The following ITGB6 variants were observed in gnomAD, a reference collection of about 807,000 sequenced individuals.
The protein encoded by ITGB6 is integrin subunit beta 6.
Under a neutral mutation model 84.5 loss-of-function variants are expected in ITGB6, and 80 were observed. The ratio of observed to expected loss-of-function variants is 0.95; its 90% CI spans 0.79 to 1.14. ITGB6 has a LOEUF of 1.14. Among genes scored for constraint, ITGB6 ranks in the 50% most tolerant of loss-of-function variants. ITGB6 has a pLI of 0.00. For missense variants in ITGB6, 1,006 were observed against 968.0 expected, an observed-to-expected ratio of 1.04 and a Z score of -0.52; for synonymous variants, 383 against 354.9, an observed-to-expected ratio of 1.08 and a Z score of -0.89.
At chr2:160,192,349 A>G (rs535589679) in intron 4 of ITGB6, among the ~76,000 whole-genome samples, 59 of 152,302 alleles carry the variant, frequency 3.9e-4, no homozygotes, top group African/African-American at 1.4e-3. Flanking sequence ...CAACAAAGAC[A>G]TTAAGATAAC....
At chr2:160,151,952 TTA>T (rs1684440659) in intron 7 of ITGB6, among the ~76,000 whole-genome samples, 1 of 152,116 alleles carries the variant, frequency 6.6e-6, no homozygotes, top group Non-Finnish European at 1.5e-5. Context: ...GAGGCAATAA[TTA>T]ATAGCATATC....
chr2:160,147,856 A>G (rs575943328), intron 7 of ITGB6, among the ~76,000 whole-genome samples: 6 of 152,338 alleles, frequency 3.9e-5, no homozygotes, highest in African/African-American at 1.4e-4. Context: ...AAAATGCAAA[A>G]CCATAAAACT....
chr2:160,117,001 CA>C (rs1183176454), intron 12 of ITGB6, among the ~76,000 whole-genome samples: 3 of 151,336 alleles, frequency 2.0e-5, no homozygotes, highest in Non-Finnish European at 2.9e-5. Context: ...CAGGAGCACC[CA>C]GATTCATAAA....
rs1237675095 is a variant in ITGB6 at position 160,200,076 on chromosome 2, T to C, written c.-13A>G. 1.2e-6 allele frequency: 2 copies of C among 1,612,804 alleles called. No individual in the cohort carries two copies. Among genetic ancestry groups the C allele is most frequent in the Non-Finnish European group, 1.7e-6 (2 of 1,179,016 alleles). ...GTTCAATCCCCATTCGTTTCAGTTC[T>C]TGCTGTGCAGACCGATTAAAAAATG... is the stretch of plus-strand genomic sequence containing the variant. On this transcript the variant is annotated 5_prime_UTR_variant, in exon 1 of 15. Transcript: ENST00000283249.
At chr2:160,139,507 G>T (rs971583466) in intron 8 of ITGB6, among the ~76,000 whole-genome samples, 21 of 152,098 alleles carry the variant, frequency 1.4e-4, no homozygotes, top group African/African-American at 4.6e-4. Context: ...TAAAATAGAA[G>T]CAATGTTGGA....
chr2:160,102,238 G>A (rs1327344113), intron 14 of ITGB6, among the ~76,000 whole-genome samples: 2 of 152,116 alleles, frequency 1.3e-5, no homozygotes, highest in Non-Finnish European at 2.9e-5. Flanking sequence ...GTAAAAAACA[G>A]GAAAAGTGAA....
chr2:160,101,472 G>T lies in ITGB6; in HGVS notation c.*264C>A. 1 of 365,562 alleles carries T rather than the reference G, an allele frequency of 2.7e-6. No homozygotes were observed. Among genetic ancestry groups the T allele is most frequent in the Non-Finnish European group, 4.9e-6 (1 of 202,538 alleles). 22.6% of individuals were successfully genotyped at this position (365,562 alleles called of 1,614,324 possible). A position where few individuals can be genotyped will look rare whatever the true frequency, so the allele number is the denominator to read the frequency against. On this transcript the variant is annotated 3_prime_UTR_variant, in exon 15 of 15. Transcript: ENST00000283249. ...CAAATCAGGCCCCCATGAATCATTT[G>T]ATGATTTTTTGAAGCATTAATGCAA...
chr2:160,188,588 T>G (rs188482363), intron 4 of ITGB6, among the ~76,000 whole-genome samples: 1 of 151,854 alleles, frequency 6.6e-6, no homozygotes, highest in Admixed American at 6.6e-5. Flanking sequence ...ATGCTTTTAA[T>G]CGTTAACTCA....
At chr2:160,143,534 T>C (rs1684081058) in intron 7 of ITGB6, among the ~76,000 whole-genome samples, 1 of 152,186 alleles carries the variant, frequency 6.6e-6, no homozygotes. Flanking sequence ...TATACTGTAC[T>C]ATGTCAACAA....
At position 160,139,182 on chromosome 2, in the gene ITGB6, A is replaced by G. The variant is rs114449782; in HGVS notation, c.1108-983T>C. Reference sequence around the variant, plus strand: ...CTGTATTGTAGGTGAACCAAACCAAATTATGAAAAATAGAAAAACAGAATA... The same window carrying G: ...CTGTATTGTAGGTGAACCAAACCAAGTTATGAAAAATAGAAAAACAGAATA... On this transcript the variant is annotated intron_variant, in intron 8 of 14. Transcript: ENST00000283249. Among the ~76,000 whole-genome samples, 932 of 152,318 alleles carry G rather than the reference A, an allele frequency of 6.1e-3. 3 individuals are homozygous for G. Among genetic ancestry groups the G allele is most frequent in the African/African-American group, 0.021 (880 of 41,574 alleles).
chr2:160,126,999 G>T (rs1683270326), intron 10 of ITGB6, among the ~76,000 whole-genome samples: 2 of 152,090 alleles, frequency 1.3e-5, no homozygotes. Flanking sequence ...TCTCCCTTTG[G>T]AATTCAGGCA....
chr2:160,186,020 A>G (rs537312800), intron 4 of ITGB6, among the ~76,000 whole-genome samples: 3 of 152,230 alleles, frequency 2.0e-5, no homozygotes, highest in Non-Finnish European at 4.4e-5. Flanking sequence ...TAAAAACCCT[A>G]GAAGAAAATC....
In ITGB6 at chr2:160,179,822, G is replaced by T. The variant is rs185863726; in HGVS notation, c.594-5683C>A. 4.2e-4 allele frequency among the ~76,000 whole-genome samples: 64 copies of T among 151,694 alleles called. 1 individual carries two copies. In the Middle Eastern group the frequency reaches 0.014, roughly 32 times the overall value. On this transcript the variant is annotated intron_variant, in intron 4 of 14. Coordinates refer to ENST00000283249, the MANE Select transcript of ITGB6 (RefSeq NM_000888.5). Reference sequence around the variant, plus strand: ...GATGTTTCAAAAATCTTTCGGCCGGGCAGGGTGGTTCACGCCTGTAATCCC... The same window carrying T: ...GATGTTTCAAAAATCTTTCGGCCGGTCAGGGTGGTTCACGCCTGTAATCCC...
chr2:160,140,526 C>A (rs901503560), intron 8 of ITGB6, among the ~76,000 whole-genome samples: 1 of 152,012 alleles, frequency 6.6e-6, no homozygotes, highest in East Asian at 1.9e-4. Context: ...GTATTGGATT[C>A]GAAAAAATGG....
At chr2:160,163,165 T>C (rs1214157444) in intron 7 of ITGB6, among the ~76,000 whole-genome samples, 1 of 152,172 alleles carries the variant, frequency 6.6e-6, no homozygotes, top group Admixed American at 6.5e-5. Context: ...GTCTGTCTTT[T>C]TTCAAGTCTA....
At chr2:160,104,930 A>G (rs1429880978) in intron 14 of ITGB6, among the ~76,000 whole-genome samples, 4 of 150,548 alleles carry the variant, frequency 2.7e-5, no homozygotes, top group East Asian at 1.9e-4. Flanking sequence ...GTGCAGTCCT[A>G]TGGCCAGGAG....
chr2:160,123,683 T>C, intron 12 of ITGB6, 108 bp downstream of exon 12: 1 of 757,924 alleles, frequency 1.3e-6, no homozygotes, highest in East Asian at 2.5e-5. Context: ...AATGCCCTGG[T>C]ACAAATAAGG....
chr2:160,191,227 A>G (rs1249096627), intron 4 of ITGB6, among the ~76,000 whole-genome samples: 1 of 152,186 alleles, frequency 6.6e-6, no homozygotes, highest in East Asian at 1.9e-4. Flanking sequence ...ATAAGTCTTT[A>G]TAACTCTTTA....
intron 4 of ITGB6, among the ~76,000 whole-genome samples, chr2:160,177,925 G>A (rs1194966567): frequency 1.3e-5 from 2 of 152,138 alleles, no homozygotes; most frequent in Admixed American, 1.3e-4. Context: ...ACCCAGGCTG[G>A]AGTGCAGTGG....
Sources: gnomAD v4.1 joint callset for allele counts (sites outside exome capture counted in the v4.1 genomes callset) on GRCh38, gnomAD v4.1.1 for gene constraint, MANE v1.5 for transcripts, NCBI Gene and HGNC (gene_info 2026-07-23, HGNC 2026-07-21) for gene names.